Variants in API5 observed in about 807,000 individuals in gnomAD.
API5 encodes apoptosis inhibitor 5.
A neutral mutation model predicts 71.9 loss-of-function variants in API5; 6 were observed. That is an observed-to-expected ratio of 0.08 (90% CI 0.05 to 0.16). API5 has a LOEUF of 0.16. Ranked by LOEUF, API5 falls within the 10% of genes least tolerant of loss-of-function variation. API5 has a pLI of 1.00. For synonymous variants in API5, 189 were observed against 221.3 expected (o/e 0.85, Z 1.30); for missense variants, 332 against 612.8 (o/e 0.54, Z 4.84).
intron 13 of API5, chr11:43,340,158 A>T (rs1369703510): frequency 7.2e-6 from 2 of 276,134 alleles, no homozygotes; most frequent in Non-Finnish European, 1.4e-5. Flanking sequence ...GAACTAGCTG[A>T]AAAAGAAATC....
Position 43,322,030 on chromosome 11 carries a change from T to C in API5, c.437T>C (p.Ile146Thr). The C allele has an allele frequency of 1.2e-6, 2 of 1,613,630 alleles. No homozygotes were observed. The highest frequency in any genetic ancestry group is 1.7e-6 in the Non-Finnish European group (2 of 1,179,844). ...LFSQILQGED[I>T]VRERAIKFLS... ...AGCCAAATACTTCAAGGAGAGGACA[T>C]TGTTAGAGAACGAGCAATTAAATTC... The change falls in exon 5 of 14, where the codon ATT becomes ACT. Residue 146 changes from isoleucine (I) to threonine (T), a missense_variant. Ile to Thr is a moderately conservative substitution (Grantham distance 89, BLOSUM62 -1). Transcript: ENST00000531273.
intron 6 of API5, among the ~76,000 whole-genome samples, chr11:43,325,586 C>T (rs796928474): frequency 1.3e-5 from 2 of 152,202 alleles, no homozygotes; most frequent in African/African-American, 4.8e-5. Context: ...AACAAACTTC[C>T]TACTGATGAG....
rs1437894422 is a variant in API5, at chr11:43,342,484, A to G, written c.1549A>G (p.Asn517Asp). 1 of 1,612,972 alleles carries G rather than the reference A, an allele frequency of 6.2e-7. No individual in the cohort carries two copies. Among genetic ancestry groups the G allele is most frequent in the South Asian group, 1.1e-5 (1 of 90,866 alleles). ...RGGRGWGTRGNRSRGRLY is the reference protein window; with the variant it reads ...RGGRGWGTRGDRSRGRLY ...TGGCCGAGGTTGGGGCACACGAGGA[A>G]ATCGTAGTCGGGGAAGACTCTACTG... is the stretch of plus-strand genomic sequence containing the variant. Residue 517 changes from asparagine to aspartate, a missense_variant, in exon 14 of 14, where the codon AAT (asparagine) becomes GAT (aspartate). Around this residue, in one of 3 missense-constraint regions of API5, gnomAD observed 168 missense variants for 343.9 expected, o/e 0.49. Coordinates refer to ENST00000531273, the MANE Select transcript of API5 (RefSeq NM_001142930.2).
chr11:43,321,928 G>A, intron 4 of API5, 57 bp from the exon 5 acceptor site: 3 of 1,483,144 alleles, frequency 2.0e-6, no homozygotes, highest in Non-Finnish European at 2.7e-6. Context: ...AGTTAAATGG[G>A]AAAACACCAT....
At chr11:43,335,389 TC>T in intron 12 of API5, 35 bp downstream of exon 12, 4 of 1,334,854 alleles carry the variant, frequency 3.0e-6, no homozygotes, top group South Asian at 1.2e-5. Context: ...TTAAGTGTTA[TC>T]AAAACTTAAT....
At chr11:43,323,353 T>G in intron 5 of API5, 77 bp from the exon 6 acceptor site, 1 of 1,284,114 alleles carries the variant, frequency 7.8e-7, no homozygotes, top group South Asian at 1.3e-5. Flanking sequence ...TGAAATAAAT[T>G]AGCTATTCTC....
At chr11:43,320,132 G>A (rs577118640) in intron 2 of API5, among the ~76,000 whole-genome samples, 3 of 142,218 alleles carry the variant, frequency 2.1e-5, no homozygotes, top group African/African-American at 5.3e-5. Context: ...TGCAACCTCC[G>A]CCTCCCTGGT....
At chr11:43,322,505 A>G (rs1444932052) in intron 5 of API5, among the ~76,000 whole-genome samples, 1 of 152,122 alleles carries the variant, frequency 6.6e-6, no homozygotes, top group Non-Finnish European at 1.5e-5. Context: ...GAAACATCAC[A>G]TCAAAATGAC....
chr11:43,337,349 C>T (rs1190957209), intron 13 of API5, among the ~76,000 whole-genome samples: 1 of 152,116 alleles, frequency 6.6e-6, no homozygotes, highest in Non-Finnish European at 1.5e-5. Context: ...AAAGTAGATT[C>T]TGAACCATAT....
chr11:43,340,894 A>G (rs1478678243), intron 13 of API5, among the ~76,000 whole-genome samples: 1 of 152,188 alleles, frequency 6.6e-6, no homozygotes, highest in Admixed American at 6.5e-5. Context: ...AGATTTTATG[A>G]CTGAGACCTA....
Position 43,323,549 on chromosome 11 carries a change from C to A in API5, c.663C>A (p.Ala221=). ...TTGTAGAGTTGGTGGCTGAACAGGCCGACCTAGAACAGACCTTCAATCCCT... is the reference window on the plus strand; with the variant it reads ...TTGTAGAGTTGGTGGCTGAACAGGCAGACCTAGAACAGACCTTCAATCCCT... ...QQLVELVAEQ[A]DLEQTFNPSD... The change falls in exon 6 of 14, where the codon GCC becomes GCA. Residue 221 remains alanine (A), a synonymous_variant. Coordinates refer to ENST00000531273, the MANE Select transcript of API5 (RefSeq NM_001142930.2). The A allele has an allele frequency of 6.2e-7, 1 of 1,614,058 alleles. No homozygotes were observed. The highest frequency in any genetic ancestry group is 8.5e-7 in the Non-Finnish European group (1 of 1,179,994).
chr11:43,322,180 G>T, intron 5 of API5, 44 bp downstream of exon 5: 2 of 1,537,004 alleles, frequency 1.3e-6, no homozygotes, highest in Non-Finnish European at 8.8e-7. Context: ...TAAAGCAAAA[G>T]AGCATACTTG....
chr11:43,333,513 T>C (rs1049816892), intron 11 of API5, among the ~76,000 whole-genome samples: 1 of 152,168 alleles, frequency 6.6e-6, no homozygotes, highest in African/African-American at 2.4e-5. Context: ...AAGGCTAACA[T>C]AGATATATGA....
At chr11:43,327,358 G>T (rs947397508) in intron 7 of API5, among the ~76,000 whole-genome samples, 1 of 152,216 alleles carries the variant, frequency 6.6e-6, no homozygotes, top group African/African-American at 2.4e-5. Context: ...AGGAAATGAG[G>T]CCCACCTTAA....
chr11:43,327,949 A>G, intron 8 of API5, 71 bp downstream of exon 8: 1 of 925,534 alleles, frequency 1.1e-6, no homozygotes. Flanking sequence ...ATTAATTTCT[A>G]GATTACAAGA....
In API5 at chr11:43,342,745, G is replaced by C; in HGVS notation, c.*235G>C. 1 of 649,408 alleles carries C rather than the reference G, an allele frequency of 1.5e-6. No individual in the cohort carries two copies. The highest frequency in any genetic ancestry group is 2.8e-6 in the Non-Finnish European group (1 of 359,400). 40.2% of individuals were successfully genotyped at this position (649,408 alleles called of 1,614,324 possible). The stretch of plus-strand genomic sequence containing the variant: ...TCTGCAATCTTGACTTGTTTTTGCA[G>C]TATCATTATTCAGACTTCAAATTGT... On this transcript the variant is annotated 3_prime_UTR_variant, in exon 14 of 14. Coordinates refer to ENST00000531273, the MANE Select transcript of API5 (RefSeq NM_001142930.2).
At chr11:43,335,231 C>A in intron 11 of API5, 47 bp from the exon 12 acceptor site, 1 of 1,383,670 alleles carries the variant, frequency 7.2e-7, no homozygotes, top group Non-Finnish European at 1.0e-6. Context: ...CCACTCCCTG[C>A]CACCAACAAA....
chr11:43,328,864 T>G lies in API5; in HGVS notation c.1098T>G (p.Asn366Lys). 2 of 1,614,026 alleles carry G rather than the reference T, an allele frequency of 1.2e-6. No homozygotes were observed. The highest frequency in any genetic ancestry group is 1.7e-6 in the Non-Finnish European group (2 of 1,179,980). The part of the protein sequence containing the change: ...KLPDFLTAKL[N>K]AEKLKDFKIR... ...CAGATTTCTTAACAGCCAAACTGAA[T>G]GCAGAAAAGCTCAAAGATTTCAAAA... The change falls in exon 9 of 14, where the codon AAT becomes AAG. Residue 366 changes from asparagine to lysine, a missense_variant. Transcript: ENST00000531273.
intron 7 of API5, 107 bp downstream of exon 7, chr11:43,326,718 G>C (rs1196691633): frequency 1.5e-6 from 1 of 652,210 alleles, no homozygotes; most frequent in African/African-American, 1.8e-5. Context: ...TTAAATGTCT[G>C]GTAATGGCCA....
Sources: gnomAD v4.1 joint callset for allele counts (sites outside exome capture counted in the v4.1 genomes callset) on GRCh38, gnomAD v4.1.1 for gene constraint, gnomAD v4.1.1 regional missense constraint, MANE v1.5 for transcripts, NCBI Gene and HGNC (gene_info 2026-07-23, HGNC 2026-07-21) for gene names.